The following SLC37A1 variants were observed in gnomAD, a reference collection of about 807,000 sequenced individuals.
SLC37A1 encodes glucose-6-phosphate exchanger SLC37A1.
A neutral mutation model predicts 75.3 loss-of-function variants in SLC37A1; 49 were observed. The observed-to-expected ratio is 0.65, with a 90% CI of 0.52 to 0.83. The LOEUF (loss-of-function observed/expected upper bound fraction) is 0.83, where lower values mean the gene tolerates loss of function less well. Ranked by LOEUF, SLC37A1 falls within the 40% of genes least tolerant of loss-of-function variation. The probability of loss-of-function intolerance (pLI) is 0.00; values close to 1 mark genes in which losing one functional copy is unlikely to be tolerated. For synonymous variants in SLC37A1, 268 were observed against 292.1 expected (o/e 0.92, Z 0.84); for missense variants, 566 against 695.0 (o/e 0.81, Z 2.09).
At chr21:42,566,147 GAGAAGCC>G (rs2055971195) in intron 15 of SLC37A1, among the ~76,000 whole-genome samples, 2 of 152,248 alleles carry the variant, frequency 1.3e-5, no homozygotes, top group Admixed American at 6.5e-5. Context: ...GCACTCAGTG[GAGAAGCC>G]AGATGTGACC....
chr21:42,523,511 C>T (rs1382669450), intron 2 of SLC37A1, among the ~76,000 whole-genome samples: 1 of 152,226 alleles, frequency 6.6e-6, no homozygotes, highest in East Asian at 1.9e-4. Flanking sequence ...GAGCTTCATC[C>T]AAAGCGCTGA....
chr21:42,533,410 G>A (rs778127129), intron 3 of SLC37A1, among the ~76,000 whole-genome samples: 2 of 152,186 alleles, frequency 1.3e-5, no homozygotes, highest in Non-Finnish European at 2.9e-5. Context: ...AAGCATGGGA[G>A]CGACAGAGGC....
At chr21:42,501,605 A>G (rs1466497967) in intron 1 of SLC37A1, among the ~76,000 whole-genome samples, 3 of 152,236 alleles carry the variant, frequency 2.0e-5, no homozygotes, top group Middle Eastern at 3.4e-3. Flanking sequence ...CCAGCCACTC[A>G]GGAGGTTGAG....
intron 3 of SLC37A1, among the ~76,000 whole-genome samples, chr21:42,530,595 T>TGC (rs2054923243): frequency 9.7e-6 from 1 of 103,130 alleles, no homozygotes. Flanking sequence ...ATGCAGATGA[T>TGC]ACACACACAC....
At chr21:42,568,579 CA>C in intron 17 of SLC37A1, 141 bp downstream of exon 17, 4 of 790,076 alleles carry the variant, frequency 5.1e-6, no homozygotes, top group Middle Eastern at 6.2e-4. Flanking sequence ...AGCAGATGAG[CA>C]GGGGACATCG....
chr21:42,576,954 G>A lies in SLC37A1; in HGVS notation c.1521+2039G>A, dbSNP rs776143443. ...TTATCTGAAAGTAATTCCAGAGGAA[G>A]ATGATAGACTGGATTTGAAGCAATA... On this transcript the variant is annotated intron_variant, in intron 18 of 19. Coordinates refer to ENST00000352133, the MANE Select transcript of SLC37A1 (RefSeq NM_001320537.2). Among the ~76,000 whole-genome samples the A allele has an allele frequency of 4.6e-5, 7 of 152,234 alleles. No individual in the cohort carries two copies. The South Asian group carries it at 6.2e-4, about 13-fold the overall frequency.
chr21:42,531,646 T>C (rs1486091706), intron 3 of SLC37A1, among the ~76,000 whole-genome samples: 1 of 152,170 alleles, frequency 6.6e-6, no homozygotes, highest in Non-Finnish European at 1.5e-5. Context: ...TGAGGGTGCT[T>C]CCCTGAAGTG....
At chr21:42,520,225 T>C (rs904106578) in intron 2 of SLC37A1, among the ~76,000 whole-genome samples, 3 of 152,212 alleles carry the variant, frequency 2.0e-5, no homozygotes, top group Non-Finnish European at 4.4e-5. Flanking sequence ...TGTGATAGCA[T>C]TTCTTCTTCT....
intron 10 of SLC37A1, among the ~76,000 whole-genome samples, chr21:42,557,255 A>G (rs1317612464): frequency 3.9e-5 from 6 of 152,310 alleles, no homozygotes; most frequent in Admixed American, 3.3e-4. Flanking sequence ...TCAGCTTGCT[A>G]TGAGTGGAAC....
intron 17 of SLC37A1, among the ~76,000 whole-genome samples, chr21:42,573,350 T>C (rs886150497): frequency 6.6e-5 from 10 of 151,910 alleles, no homozygotes; most frequent in Admixed American, 6.6e-5. Context: ...TCCCCTCCCC[T>C]GTCTCTTGGG....
intron 2 of SLC37A1, among the ~76,000 whole-genome samples, chr21:42,525,448 A>G (rs970942958): frequency 6.6e-5 from 10 of 152,196 alleles, no homozygotes; most frequent in African/African-American, 2.4e-4. Flanking sequence ...GAGGACATCC[A>G]GTGTCAGCTG....
intron 3 of SLC37A1, among the ~76,000 whole-genome samples, chr21:42,528,746 T>G (rs2054864921): frequency 1.3e-5 from 2 of 152,138 alleles, no homozygotes; most frequent in Non-Finnish European, 2.9e-5. Flanking sequence ...GGAGAATAGC[T>G]TGAATCCGGG....
intron 3 of SLC37A1, chr21:42,526,075 G>T: frequency 6.4e-6 from 3 of 470,278 alleles, no homozygotes; most frequent in South Asian, 3.6e-5. Context: ...TAGACTTTTA[G>T]TTTTATTAGT....
chr21:42,543,028 C>T (rs890676497), intron 7 of SLC37A1, among the ~76,000 whole-genome samples: 7 of 152,388 alleles, frequency 4.6e-5, no homozygotes, highest in Non-Finnish European at 7.3e-5. Context: ...CCAGCGTCAT[C>T]AGGTCTTAAG....
chr21:42,558,969 G>T lies in SLC37A1; in HGVS notation c.861G>T (p.Met287Ile), dbSNP rs2055757534. The T allele has an allele frequency of 6.2e-7, 1 of 1,613,800 alleles. No homozygotes were observed. The highest frequency in any genetic ancestry group is 8.5e-7 in the Non-Finnish European group (1 of 1,179,962). Reference sequence around the variant, plus strand: ...GGATTTGCCTCCAGGACCCAGAGATGCAGTGCCTGCTGCTCTCAGATGGGA... The same window carrying T: ...GGATTTGCCTCCAGGACCCAGAGATTCAGTGCCTGCTGCTCTCAGATGGGA... Reference protein sequence around the residue: ...SEKNKPLDPEMQCLLLSDGKG... With the variant: ...SEKNKPLDPEIQCLLLSDGKG... The change falls in exon 11 of 20, where the codon ATG becomes ATT. Residue 287 changes from methionine to isoleucine, a missense_variant. Coordinates refer to ENST00000352133, the MANE Select transcript of SLC37A1 (RefSeq NM_001320537.2).
chr21:42,561,327 A>G (rs1001946438), intron 11 of SLC37A1: 2 of 153,732 alleles, frequency 1.3e-5, no homozygotes, highest in African/African-American at 4.8e-5. Context: ...GTAGACATAA[A>G]ACAAACACAA....
intron 3 of SLC37A1, among the ~76,000 whole-genome samples, chr21:42,526,248 G>A (rs890331204): frequency 1.3e-5 from 2 of 152,168 alleles, no homozygotes; most frequent in African/African-American, 4.8e-5. Context: ...TTCTTGGAAC[G>A]CTGCATTTTT....
chr21:42,520,261 C>T (rs1036079534), intron 2 of SLC37A1, among the ~76,000 whole-genome samples: 2 of 152,142 alleles, frequency 1.3e-5, no homozygotes, highest in Non-Finnish European at 2.9e-5. Flanking sequence ...CGGGTTCATA[C>T]ATTGCGTTTA....
intron 12 of SLC37A1, 126 bp from the exon 13 acceptor site, chr21:42,563,689 G>A (rs2055894720): frequency 1.3e-6 from 1 of 756,934 alleles, no homozygotes; most frequent in Admixed American, 2.3e-5. Context: ...ACTACTAATT[G>A]CTCCTCGGTA....
Sources: gnomAD v4.1 joint callset for allele counts (sites outside exome capture counted in the v4.1 genomes callset) on GRCh38, gnomAD v4.1.1 for gene constraint, MANE v1.5 for transcripts, NCBI Gene and HGNC (gene_info 2026-07-23, HGNC 2026-07-21) for gene names.